THADA: variants seen among roughly 807,000 people sequenced by gnomAD.
The protein encoded by THADA is THADA armadillo repeat containing, also known as tRNA (32-2'-O)-methyltransferase regulator THADA.
THADA carries 213 observed loss-of-function variants against 219.8 expected under a neutral mutation model. That is an observed-to-expected ratio of 0.97 (90% CI 0.87 to 1.09). The LOEUF (loss-of-function observed/expected upper bound fraction) is 1.09, where lower values mean the gene tolerates loss of function less well. Ranked by LOEUF, THADA falls within the 50% of genes least tolerant of loss-of-function variation. The pLI is 0.00. For missense variants in THADA, 2,956 were observed against 2,311.3 expected (o/e 1.28, Z -5.72); for synonymous variants, 1,018 against 828.9 (o/e 1.23, Z -3.92).
intron 29 of THADA, among the ~76,000 whole-genome samples, chr2:43,393,273 T>C (rs1673618045): frequency 6.6e-6 from 1 of 152,136 alleles, no homozygotes; most frequent in Non-Finnish European, 1.5e-5. Flanking sequence ...CATACCCAAT[T>C]AGATTTAAGG....
intron 28 of THADA, among the ~76,000 whole-genome samples, chr2:43,410,471 G>A (rs1444572976): frequency 6.6e-6 from 1 of 152,104 alleles, no homozygotes; most frequent in Non-Finnish European, 1.5e-5. Flanking sequence ...ACTAGTTGAT[G>A]GATACAACAT....
chr2:43,288,036 G>A (rs1309595333), intron 34 of THADA, among the ~76,000 whole-genome samples: 1 of 152,206 alleles, frequency 6.6e-6, no homozygotes. Context: ...ATGAGAACCT[G>A]GTGACTCAAC....
intron 7 of THADA, among the ~76,000 whole-genome samples, chr2:43,582,652 C>T (rs533870961): frequency 6.0e-4 from 89 of 147,768 alleles, no homozygotes; most frequent in African/African-American, 2.1e-3. Flanking sequence ...TCACTGCAAC[C>T]TCCACCTCCC....
At chr2:43,344,507 G>A (rs1667411604) in intron 29 of THADA, among the ~76,000 whole-genome samples, 1 of 152,180 alleles carries the variant, frequency 6.6e-6, no homozygotes, top group Non-Finnish European at 1.5e-5. Context: ...TGCCACAAGA[G>A]TTTATTAGTT....
chr2:43,549,431 G>A, intron 19 of THADA, 63 bp from the exon 20 acceptor site: 1 of 1,487,536 alleles, frequency 6.7e-7, no homozygotes, highest in African/African-American at 1.4e-5. Flanking sequence ...ATTTCCCTTG[G>A]GGATGCTTAC....
intron 31 of THADA, among the ~76,000 whole-genome samples, chr2:43,299,193 A>C (rs900495518): frequency 1.3e-5 from 2 of 150,152 alleles, no homozygotes. Context: ...AAAAAAAAAA[A>C]ACCCAAACCT....
chr2:43,412,955 A>G (rs954765247), intron 28 of THADA, among the ~76,000 whole-genome samples: 1 of 152,180 alleles, frequency 6.6e-6, no homozygotes, highest in Non-Finnish European at 1.5e-5. Flanking sequence ...TGAATGTCTC[A>G]TAACTACCTT....
At chr2:43,477,634 G>A (rs929149646) in intron 26 of THADA, among the ~76,000 whole-genome samples, 3 of 152,120 alleles carry the variant, frequency 2.0e-5, no homozygotes, top group Non-Finnish European at 4.4e-5. Flanking sequence ...TTTTATCACA[G>A]AATACTCTGA....
intron 4 of THADA, among the ~76,000 whole-genome samples, chr2:43,590,562 G>A (rs571207394): frequency 2.4e-4 from 36 of 149,968 alleles, no homozygotes; most frequent in African/African-American, 7.4e-4. Flanking sequence ...GGAGAATGGC[G>A]TGAACCCGGG....
chr2:43,549,664 A>G (rs1696521304), intron 19 of THADA, among the ~76,000 whole-genome samples: 1 of 152,222 alleles, frequency 6.6e-6, no homozygotes, highest in Non-Finnish European at 1.5e-5. Flanking sequence ...TGTTGTCTAA[A>G]TATCTCAAAT....
intron 36 of THADA, among the ~76,000 whole-genome samples, chr2:43,258,657 C>T (rs375033107): frequency 1.3e-4 from 20 of 152,170 alleles, no homozygotes; most frequent in African/African-American, 2.4e-4. Context: ...ATTCTTTGGA[C>T]GACCTCAATG....
rs557565746 is a variant in THADA, at chr2:43,413,589, A to G, written c.4058+14511T>C. 6.6e-5 allele frequency among the ~76,000 whole-genome samples: 10 copies of G among 152,266 alleles called. No homozygotes were observed. In the South Asian group the frequency reaches 2.1e-3, roughly 32 times the overall value. On this transcript the variant is annotated intron_variant, in intron 28 of 37. Transcript: ENST00000405975. ...TTTGATAATCAAAGCCTTAGGCACT[A>G]CTATTTCAGCCATCAAGTGACCCAT...
intron 30 of THADA, among the ~76,000 whole-genome samples, chr2:43,335,160 A>G (rs1472674118): frequency 6.6e-6 from 1 of 152,182 alleles, no homozygotes; most frequent in African/African-American, 2.4e-5. Flanking sequence ...GAGAGTCTTC[A>G]TTCTAATAAG....
At chr2:43,414,251 A>C (rs1277003579) in intron 28 of THADA, among the ~76,000 whole-genome samples, 1 of 152,168 alleles carries the variant, frequency 6.6e-6, no homozygotes, top group African/African-American at 2.4e-5. Flanking sequence ...CATAACCTAA[A>C]ATTTACCATT....
At chr2:43,477,419 G>A (rs770507907) in intron 26 of THADA, among the ~76,000 whole-genome samples, 63 of 152,264 alleles carry the variant, frequency 4.1e-4, no homozygotes, top group South Asian at 1.0e-3. Context: ...GTGAATAACA[G>A]AAAAATCTAT....
intron 30 of THADA, among the ~76,000 whole-genome samples, chr2:43,325,208 C>A (rs1277166747): frequency 6.6e-6 from 1 of 152,100 alleles, no homozygotes; most frequent in Non-Finnish European, 1.5e-5. Flanking sequence ...CCACAAAAGC[C>A]CCAGTGTCTA....
intron 26 of THADA, among the ~76,000 whole-genome samples, chr2:43,434,404 C>A (rs1372247013): frequency 2.0e-5 from 3 of 152,218 alleles, no homozygotes; most frequent in African/African-American, 7.2e-5. Context: ...TGAAGACAGG[C>A]ACTCCTGCCT....
intron 31 of THADA, among the ~76,000 whole-genome samples, chr2:43,297,290 A>G (rs1368546730): frequency 1.1e-5 from 1 of 86,990 alleles, no homozygotes; most frequent in Admixed American, 1.1e-4. Context: ...AAGTGAGGAG[A>G]CCCTCTGCCT....
rs1164320890 is a variant in THADA, at chr2:43,246,089, C to T, written c.5297-13207G>A. 2.6e-5 allele frequency among the ~76,000 whole-genome samples: 4 copies of T among 152,138 alleles called. 1 individual carries two copies. The highest frequency in any genetic ancestry group is 9.6e-5 in the African/African-American group (4 of 41,492). ...CCAGAAAGTTTCCTTACTAGGTGCCCACCTCCCAGCCTTATCTAGAATCCA... is the reference window on the plus strand; with the variant it reads ...CCAGAAAGTTTCCTTACTAGGTGCCTACCTCCCAGCCTTATCTAGAATCCA... On this transcript the variant is annotated intron_variant, in intron 36 of 37. Coordinates refer to ENST00000405975, the MANE Select transcript of THADA (RefSeq NM_022065.5).
Sources: gnomAD v4.1 joint callset for allele counts (sites outside exome capture counted in the v4.1 genomes callset) on GRCh38, gnomAD v4.1.1 for gene constraint, MANE v1.5 for transcripts, NCBI Gene and HGNC (gene_info 2026-07-23, HGNC 2026-07-21) for gene names.